Variants in YPEL5 observed in about 807,000 individuals in gnomAD.
YPEL5 encodes the protein yippee like 5.
In YPEL5, 1 loss-of-function variant was observed where a neutral mutation model predicts 10.5. The observed-to-expected ratio is 0.10, with a 90% CI of 0.03 to 0.45. The LOEUF (loss-of-function observed/expected upper bound fraction) is 0.45. Ranked by LOEUF, YPEL5 falls within the 20% of genes least tolerant of loss-of-function variation. The pLI is 0.97. For synonymous variants in YPEL5, 61 were observed against 56.6 expected, an observed-to-expected ratio of 1.08 and a Z score of -0.35; for missense variants, 68 against 159.3, an observed-to-expected ratio of 0.43 and a Z score of 3.09.
chr2:30,155,349 G>A (rs1434266738), intron 1 of YPEL5, among the ~76,000 whole-genome samples: 1 of 152,142 alleles, frequency 6.6e-6, no homozygotes, highest in Non-Finnish European at 1.5e-5. Flanking sequence ...ACCGCCTAAT[G>A]GCTGGGGAAG....
intron 1 of YPEL5, 146 bp from the exon 2 acceptor site, chr2:30,156,482 G>A (rs906982861): frequency 5.6e-6 from 4 of 717,246 alleles, no homozygotes; most frequent in Non-Finnish European, 6.8e-6. Flanking sequence ...GGATCTTTTT[G>A]TTCAGGATCA....
chr2:30,148,904 A>C (rs771489004), intron 1 of YPEL5, among the ~76,000 whole-genome samples: 3 of 152,232 alleles, frequency 2.0e-5, no homozygotes, highest in African/African-American at 7.2e-5. Flanking sequence ...TTCTAGGTTT[A>C]ATGGTGAATA....
At chr2:30,150,674 T>C (rs1675741395) in intron 1 of YPEL5, among the ~76,000 whole-genome samples, 1 of 152,242 alleles carries the variant, frequency 6.6e-6, no homozygotes, top group Non-Finnish European at 1.5e-5. Context: ...TTTCAAATAC[T>C]CCTATCTAGC....
At position 30,159,095 on chromosome 2, in the gene YPEL5, G is replaced by A. The variant is rs1676169363; in HGVS notation, c.*252G>A. ...TTTTACCCTATGTTTACATCTTGAGGCAGCAGAGTCTGTCTGCAGCTATGT... is the reference window on the plus strand; with the variant it reads ...TTTTACCCTATGTTTACATCTTGAGACAGCAGAGTCTGTCTGCAGCTATGT... On this transcript the variant is annotated 3_prime_UTR_variant, in exon 3 of 3. Transcript: ENST00000261353. The A allele has an allele frequency of 6.3e-6, 3 of 476,420 alleles. No individual in the cohort carries two copies. Among genetic ancestry groups the A allele is most frequent in the Non-Finnish European group, 1.1e-5 (3 of 266,424 alleles). The allele number at this position is 476,420 out of a possible 1,614,324, so 29.5% of individuals were successfully genotyped here. A position where few individuals can be genotyped will look rare whatever the true frequency, so the allele number is the denominator to read the frequency against.
chr2:30,154,332 T>G (rs1327635391), intron 1 of YPEL5, among the ~76,000 whole-genome samples: 3 of 152,214 alleles, frequency 2.0e-5, no homozygotes, highest in Non-Finnish European at 2.9e-5. Context: ...AGTGTTTTAT[T>G]TATATCAGGA....
chr2:30,151,906 T>TC (rs1425785723), intron 1 of YPEL5, among the ~76,000 whole-genome samples: 1 of 152,178 alleles, frequency 6.6e-6, no homozygotes, highest in Non-Finnish European at 1.5e-5. Context: ...CCAAGCAAGG[T>TC]GATTAGCATA....
At chr2:30,152,195 TTTCTA>T (rs1675829801) in intron 1 of YPEL5, among the ~76,000 whole-genome samples, 2 of 152,352 alleles carry the variant, frequency 1.3e-5, no homozygotes, top group South Asian at 4.1e-4. Context: ...AACCTGCAAT[TTTCTA>T]TTCTGTCAGA....
chr2:30,158,746 A>T lies in YPEL5; in HGVS notation c.269A>T (p.Asp90Val), dbSNP rs1360827373. The T allele has an allele frequency of 6.2e-7, 1 of 1,614,216 alleles. No homozygotes were observed. Among genetic ancestry groups the T allele is most frequent in the Non-Finnish European group, 8.5e-7 (1 of 1,180,042 alleles). Residue 90 changes from aspartate (D) to valine (V), a missense_variant, in exon 3 of 3, where the codon GAC becomes GTC. Asp to Val is a radical substitution (Grantham distance 152). Transcript: ENST00000261353. ...TGGATCTATGAGTTTGCCACTGAAG[A>T]CAGCCAGCGATATAAGGAAGGCCGC... ...LGWIYEFATE[D>V]SQRYKEGRVI...
chr2:30,153,584 C>G (rs1331239270), intron 1 of YPEL5, among the ~76,000 whole-genome samples: 1 of 152,182 alleles, frequency 6.6e-6, no homozygotes, highest in African/African-American at 2.4e-5. Context: ...GTTTCTAACC[C>G]TGCAAAGGCC....
At chr2:30,148,384 C>G (rs867381075) in intron 1 of YPEL5, 4 of 152,198 alleles carry the variant, frequency 2.6e-5, no homozygotes, top group African/African-American at 9.7e-5. Flanking sequence ...AGGATATTAG[C>G]TAACTTTGCA....
chr2:30,155,490 G>T (rs1478206093), intron 1 of YPEL5, among the ~76,000 whole-genome samples: 1 of 152,098 alleles, frequency 6.6e-6, no homozygotes, highest in Non-Finnish European at 1.5e-5. Flanking sequence ...AGTTACATTA[G>T]CTCTGCATGC....
intron 1 of YPEL5, among the ~76,000 whole-genome samples, chr2:30,155,353 G>T (rs1572757934): frequency 6.6e-6 from 1 of 152,132 alleles, no homozygotes; most frequent in African/African-American, 2.4e-5. Context: ...CCTAATGGCT[G>T]GGGAAGTTCA....
intron 1 of YPEL5, among the ~76,000 whole-genome samples, chr2:30,148,834 C>T (rs905177208): frequency 6.6e-6 from 1 of 152,224 alleles, no homozygotes; most frequent in Non-Finnish European, 1.5e-5. Context: ...CTACTACCCT[C>T]TGAAAAACAG....
chr2:30,150,107 G>T (rs1416608048), intron 1 of YPEL5, among the ~76,000 whole-genome samples: 5 of 152,180 alleles, frequency 3.3e-5, no homozygotes, highest in African/African-American at 2.4e-5. Context: ...GCTTCAGAAG[G>T]TTTCTAACTT....
intron 1 of YPEL5, among the ~76,000 whole-genome samples, chr2:30,149,253 C>G (rs762760125): frequency 3.3e-5 from 5 of 152,130 alleles, no homozygotes; most frequent in Non-Finnish European, 7.4e-5. Flanking sequence ...TCTAACAAAA[C>G]AGGAAAAAAT....
At chr2:30,154,047 T>G (rs1188861854) in intron 1 of YPEL5, among the ~76,000 whole-genome samples, 1 of 152,352 alleles carries the variant, frequency 6.6e-6, no homozygotes, top group South Asian at 2.1e-4. Flanking sequence ...GTGGTCAATG[T>G]AGATACAGGT....
chr2:30,158,297 C>CTACTACAA (rs2103522291), intron 2 of YPEL5, among the ~76,000 whole-genome samples: 1 of 152,304 alleles, frequency 6.6e-6, no homozygotes, highest in East Asian at 1.9e-4. Flanking sequence ...TACAACTGGA[C>CTACTACAA]CCAAACCTAC....
chr2:30,154,496 A>G (rs890136681), intron 1 of YPEL5, among the ~76,000 whole-genome samples: 5 of 152,190 alleles, frequency 3.3e-5, no homozygotes, highest in African/African-American at 1.2e-4. Context: ...TGCCCTCCCC[A>G]TTGTTAAAAA....
At chr2:30,152,317 G>C (rs1265447711) in intron 1 of YPEL5, among the ~76,000 whole-genome samples, 3 of 152,204 alleles carry the variant, frequency 2.0e-5, no homozygotes, top group Non-Finnish European at 4.4e-5. Context: ...AAATGAAGTG[G>C]TACGTATGAA....
Sources: allele counts gnomAD v4.1 joint callset (sites outside exome capture counted in the v4.1 genomes callset), GRCh38; gene constraint gnomAD v4.1.1; transcripts MANE v1.5; gene names NCBI Gene and HGNC (gene_info 2026-07-23, HGNC 2026-07-21).